The following MINK1 variants were observed in gnomAD, a reference collection of about 807,000 sequenced individuals.
MINK1 encodes misshapen-like kinase 1.
Under a neutral mutation model 178.4 loss-of-function variants are expected in MINK1, and 46 were observed. The ratio of observed to expected loss-of-function variants is 0.26; its 90% CI spans 0.20 to 0.33. The LOEUF is 0.33. Ranked by LOEUF, MINK1 falls within the 10% of genes least tolerant of loss-of-function variation. The pLI, the probability that MINK1 is intolerant of heterozygous loss-of-function variation, is 1.00. For synonymous variants in MINK1, 797 were observed against 709.7 expected, an observed-to-expected ratio of 1.12 and a Z score of -1.96; for missense variants, 1,366 against 1,814.9, an observed-to-expected ratio of 0.75 and a Z score of 4.49.
rs761225251 is a variant in MINK1 at position 4,894,012 on chromosome 17, C to T, written c.2589C>T (p.Val863=). ...GGRSDGDTDS[V]STMVVHDVEE... is the part of the protein sequence containing the mutation. ...GCAGCGATGGGGATACAGACAGCGTCAGCACCATGGTGGTCCACGACGTCG... is the reference window on the plus strand; with the variant it reads ...GCAGCGATGGGGATACAGACAGCGTTAGCACCATGGTGGTCCACGACGTCG... The change falls in exon 22 of 32, where the codon GTC becomes GTT. Residue 863 remains valine, a synonymous_variant. Coordinates refer to ENST00000355280, the MANE Select transcript of MINK1 (RefSeq NM_153827.5). This position sits in a 1 kb window ranked among gnomAD's most constrained non-coding sequence, Gnocchi z 4.1. The T allele has an allele frequency of 1.2e-5, 19 of 1,589,938 alleles. No individual in the cohort carries two copies. In the South Asian group the frequency reaches 2.2e-4, roughly 18 times the overall value.
Position 4,897,862 on chromosome 17 carries a change from A to AC in MINK1, c.*581dup, listed in dbSNP as rs1211222635. The AC allele has an allele frequency of 3.4e-5, 4 of 116,982 alleles. No homozygotes were observed. Among genetic ancestry groups the AC allele is most frequent in the East Asian group, 4.6e-4 (2 of 4,350 alleles). The allele number at this position is 116,982 out of a possible 1,614,324, so 7.2% of individuals were successfully genotyped here. A position where few individuals can be genotyped will look rare whatever the true frequency, so the allele number is the denominator to read the frequency against. On this transcript the variant is annotated 3_prime_UTR_variant, in exon 32 of 32. Transcript: ENST00000355280. ...AGCCAAAACATTCCCCCCATTCCCG[A>AC]CCCCCCTCTCCTCTTCTAGCCCATG...
In MINK1 at chr17:4,836,429, C is replaced by T. The variant is rs1909318001; in HGVS notation, c.57+2789C>T. Reference sequence around the variant, plus strand: ...TGACCTCTTTGAGGTTCCTTTTCTCCACCAGCCTGGCTGCAGCGTGGTGAG... The same window carrying T: ...TGACCTCTTTGAGGTTCCTTTTCTCTACCAGCCTGGCTGCAGCGTGGTGAG... On this transcript the variant is annotated intron_variant, in intron 1 of 31. Coordinates refer to ENST00000355280, the MANE Select transcript of MINK1 (RefSeq NM_153827.5). This position sits in a 1 kb window ranked among gnomAD's most constrained non-coding sequence, Gnocchi z 4.3. 1.3e-5 allele frequency among the ~76,000 whole-genome samples: 2 copies of T among 152,160 alleles called. No homozygotes were observed. The highest frequency in any genetic ancestry group is 4.1e-4 in the South Asian group (2 of 4,828).
intron 1 of MINK1, among the ~76,000 whole-genome samples, chr17:4,854,081 G>T (rs536166561): frequency 6.6e-6 from 1 of 152,148 alleles, no homozygotes; most frequent in Non-Finnish European, 1.5e-5. Flanking sequence ...ATTTCTGACT[G>T]TGATGGTGTT....
At position 4,887,926 on chromosome 17, in the gene MINK1, A is replaced by G. The variant is rs920660753; in HGVS notation, c.1230+136A>G. ...CTGTTGAAACAATTATATGATTTCA[A>G]ATTTCATGATGAGCTGGACTTAACA... On this transcript the variant is annotated intron_variant, in intron 12 of 31. Coordinates refer to ENST00000355280, the MANE Select transcript of MINK1 (RefSeq NM_153827.5). The surrounding 1 kb of genome is among the most constrained non-coding windows in gnomAD (Gnocchi z 7.6). The G allele has an allele frequency of 3.4e-5, 25 of 744,558 alleles. No homozygotes were observed. The highest frequency in any genetic ancestry group is 2.2e-4 in the African/African-American group (12 of 55,250). 46.1% of individuals were successfully genotyped at this position (744,558 alleles called of 1,614,324 possible).
Position 4,885,086 on chromosome 17 carries a change from C to A in MINK1, c.508+84C>A. The A allele has an allele frequency of 7.8e-7, 1 of 1,279,654 alleles. No individual in the cohort carries two copies. Among genetic ancestry groups the A allele is most frequent in the Non-Finnish European group, 1.1e-6 (1 of 896,508 alleles). 79.3% of individuals were successfully genotyped at this position (1,279,654 alleles called of 1,614,324 possible). A position where few individuals can be genotyped will look rare whatever the true frequency, so the allele number is the denominator to read the frequency against. On this transcript the variant is annotated intron_variant, in intron 6 of 31. Transcript: ENST00000355280. This position sits in a 1 kb window ranked among gnomAD's most constrained non-coding sequence, Gnocchi z 5.0. ...GGGCCCCTTTTTCTCTCTGGTGGCT[C>A]AGGCCCAACTCCCTTCCTACTGGGG...
At chr17:4,888,231 A>G (rs930711191) in intron 12 of MINK1, among the ~76,000 whole-genome samples, 3 of 151,822 alleles carry the variant, frequency 2.0e-5, no homozygotes, top group African/African-American at 7.3e-5. Context: ...ATAATAAGCA[A>G]TAACCCGCAG....
chr17:4,879,537 G>T (rs1467063258), intron 2 of MINK1, among the ~76,000 whole-genome samples: 1 of 152,166 alleles, frequency 6.6e-6, no homozygotes, highest in African/African-American at 2.4e-5. Flanking sequence ...GCGTCTCTGG[G>T]CTTGGGGTCT....
intron 1 of MINK1, among the ~76,000 whole-genome samples, chr17:4,866,760 AC>A (rs1441478800): frequency 6.6e-6 from 1 of 152,030 alleles, no homozygotes; most frequent in African/African-American, 2.4e-5. Context: ...TGACAGAGCA[AC>A]ACTGCATCTC....
chr17:4,892,365 C>T (rs1239968193), intron 17 of MINK1, 37 bp from the exon 18 acceptor site: 1 of 1,476,184 alleles, frequency 6.8e-7, no homozygotes, highest in South Asian at 1.2e-5. Flanking sequence ...CAGCGCCCCC[C>T]CGCCGCCCCC....
At chr17:4,840,421 A>G (rs1197174253) in intron 1 of MINK1, among the ~76,000 whole-genome samples, 2 of 152,214 alleles carry the variant, frequency 1.3e-5, no homozygotes, top group African/African-American at 4.8e-5. Flanking sequence ...CTCAAAAGTT[A>G]AGAGCATGTA....
Position 4,896,707 on chromosome 17 carries a change from G to A in MINK1, c.3809G>A (p.Gly1270Asp). 6.2e-7 allele frequency: 1 copy of A among 1,603,038 alleles called. No individual in the cohort carries two copies. ...TGCTCCAACCAGATAATGGGCTGGG[G>A]TGAGAAAGCCATTGAGATCCGCTCT... is the stretch of plus-strand genomic sequence containing the variant. ...YICSNQIMGW[G>D]EKAIEIRSVE... The change falls in exon 31 of 32, where the codon GGT (glycine) becomes GAT (aspartate). Residue 1270 changes from glycine (G) to aspartate (D), a missense_variant. Gly to Asp is a moderately conservative substitution (Grantham distance 94, BLOSUM62 -1). Coordinates refer to ENST00000355280, the MANE Select transcript of MINK1 (RefSeq NM_153827.5). This position sits in a 1 kb window ranked among gnomAD's most constrained non-coding sequence, Gnocchi z 4.6.
chr17:4,859,387 CTT>C, intron 1 of MINK1: 1 of 846,856 alleles, frequency 1.2e-6, no homozygotes, highest in Non-Finnish European at 1.4e-6. Flanking sequence ...CAATCTTACT[CTT>C]TATATTTTAG....
In MINK1 at chr17:4,886,774, A is replaced by G. The variant is rs1375154279; in HGVS notation, c.949+148A>G. 7.4e-6 allele frequency: 7 copies of G among 946,538 alleles called. No individual in the cohort carries two copies. The highest frequency in any genetic ancestry group is 9.1e-6 in the Non-Finnish European group (6 of 659,298). 58.6% of individuals were successfully genotyped at this position (946,538 alleles called of 1,614,324 possible). A position where few individuals can be genotyped will look rare whatever the true frequency, so the allele number is the denominator to read the frequency against. ...CAAGGAGATCGTTCTCAAACTTGCA[A>G]CCCCCAAGGGGTTTTCCCTCCTTTC... On this transcript the variant is annotated intron_variant, in intron 10 of 31. Transcript: ENST00000355280. This position sits in a 1 kb window ranked among gnomAD's most constrained non-coding sequence, Gnocchi z 6.1.
Position 4,896,962 on chromosome 17 carries a change from G to T in MINK1, c.3915+149G>T. ...CAGAGGGCAGTCAGCCACTACCACTGCCCTGCGCTCCCTTCAGATTCCGAG... is the reference window on the plus strand; with the variant it reads ...CAGAGGGCAGTCAGCCACTACCACTTCCCTGCGCTCCCTTCAGATTCCGAG... On this transcript the variant is annotated intron_variant, in intron 31 of 31. Transcript: ENST00000355280. This position sits in a 1 kb window ranked among gnomAD's most constrained non-coding sequence, Gnocchi z 4.6. The T allele has an allele frequency of 8.9e-7, 1 of 1,129,262 alleles. No individual in the cohort carries two copies. The highest frequency in any genetic ancestry group is 1.2e-6 in the Non-Finnish European group (1 of 810,666). The allele number at this position is 1,129,262 out of a possible 1,614,324, so 70.0% of individuals were successfully genotyped here.
chr17:4,871,128 A>T, intron 1 of MINK1: 1 of 276,800 alleles, frequency 3.6e-6, no homozygotes. Flanking sequence ...AGGTTCATCC[A>T]TGTTGCAACA....
chr17:4,889,604 G>C, intron 12 of MINK1, 43 bp from the exon 13 acceptor site: 1 of 1,504,726 alleles, frequency 6.6e-7, no homozygotes, highest in Non-Finnish European at 9.0e-7. Flanking sequence ...GTGCTGACGC[G>C]ATGTCCGGTA....
chr17:4,835,487 C>T (rs1436617847), intron 1 of MINK1, among the ~76,000 whole-genome samples: 5 of 152,248 alleles, frequency 3.3e-5, no homozygotes, highest in East Asian at 3.9e-4. Context: ...ATTAGCCACA[C>T]GTGGTGGCAC....
intron 13 of MINK1, chr17:4,890,150 G>A (rs567897838): frequency 1.6e-6 from 1 of 631,190 alleles, no homozygotes; most frequent in Non-Finnish European, 2.3e-6. Flanking sequence ...TCTCCAACTC[G>A]CTGCTGCTGC....
chr17:4,852,537 C>T (rs1413545772), intron 1 of MINK1, among the ~76,000 whole-genome samples: 1 of 151,010 alleles, frequency 6.6e-6, no homozygotes, highest in South Asian at 2.1e-4. Context: ...TGTGGAGACC[C>T]AGGAGTGAGA....
Sources: gnomAD v4.1 joint callset for allele counts (sites outside exome capture counted in the v4.1 genomes callset) on GRCh38, gnomAD v4.1.1 for gene constraint, Gnocchi (gnomAD v3.1) non-coding constraint, MANE v1.5 for transcripts, NCBI Gene and HGNC (gene_info 2026-07-23, HGNC 2026-07-21) for gene names.